Variants in INTS2 observed in about 807,000 individuals in gnomAD.
The protein encoded by INTS2 is KIAA1287.
A neutral mutation model predicts 139.6 loss-of-function variants in INTS2; 57 were observed. The ratio of observed to expected loss-of-function variants is 0.41; its 90% CI spans 0.33 to 0.51. The LOEUF (loss-of-function observed/expected upper bound fraction) is 0.51. INTS2 is among the 20% of genes least tolerant of loss of function. The pLI is 0.28. For synonymous variants in INTS2, 473 were observed against 493.4 expected, an observed-to-expected ratio of 0.96 and a Z score of 0.55; for missense variants, 1,196 against 1,436.7, an observed-to-expected ratio of 0.83 and a Z score of 2.71.
In INTS2 at chr17:61,897,822, G is replaced by A. The variant is rs1567904322; in HGVS notation, c.1308-83C>T. 2 of 1,003,758 alleles carry A rather than the reference G, an allele frequency of 2.0e-6. No individual in the cohort carries two copies. The highest frequency in any genetic ancestry group is 2.5e-5 in the Admixed American group (1 of 40,162). 62.2% of individuals were successfully genotyped at this position (1,003,758 alleles called of 1,614,324 possible). A position where few individuals can be genotyped will look rare whatever the true frequency, so the allele number is the denominator to read the frequency against. ...AAAAAGCATTCTGAAGTTATTTTTG[G>A]TAGAAATTATTTTTCCTGCCCTATT... On this transcript the variant is annotated intron_variant, in intron 9 of 24. Transcript: ENST00000251334. This position sits in a 1 kb window ranked among gnomAD's most constrained non-coding sequence, Gnocchi z 4.4.
intron 17 of INTS2, 76 bp from the exon 18 acceptor site, chr17:61,878,164 A>C (rs2079143132): frequency 1.2e-6 from 1 of 839,642 alleles, no homozygotes. Context: ...GTTCTCTCAG[A>C]CTATAGACCA....
intron 11 of INTS2, among the ~76,000 whole-genome samples, chr17:61,896,666 T>G (rs970384711): frequency 2.0e-5 from 3 of 152,112 alleles, no homozygotes; most frequent in Non-Finnish European, 2.9e-5. Flanking sequence ...ACACATAAAT[T>G]TTAAATACTA....
At position 61,870,037 on chromosome 17, in the gene INTS2, A is replaced by C. The variant is rs1325589281; in HGVS notation, c.2779-49T>G. On this transcript the variant is annotated intron_variant, in intron 20 of 24. Transcript: ENST00000251334. The surrounding 1 kb of genome is among the most constrained non-coding windows in gnomAD (Gnocchi z 4.4). ...AAAGTAAGAAGTTTCTAAGAAGTTA[A>C]AAAACAAATCAGATTTTATTTTCAC... is the stretch of plus-strand genomic sequence containing the variant. The C allele has an allele frequency of 6.6e-7, 1 of 1,511,700 alleles. No homozygotes were observed. Among genetic ancestry groups the C allele is most frequent in the Non-Finnish European group, 8.9e-7 (1 of 1,119,272 alleles). The allele number at this position is 1,511,700 out of a possible 1,614,324, so 93.6% of individuals were successfully genotyped here. A position where few individuals can be genotyped will look rare whatever the true frequency, so the allele number is the denominator to read the frequency against.
chr17:61,868,375 T>C lies in INTS2; in HGVS notation c.3245-366A>G, dbSNP rs188920719. On this transcript the variant is annotated intron_variant, in intron 23 of 24. Transcript: ENST00000251334. This position sits in a 1 kb window ranked among gnomAD's most constrained non-coding sequence, Gnocchi z 4.7. Reference sequence around the variant, plus strand: ...AGTTAGTGGTGGGGCTGAGATTGAATTCAGGCAGTGTAAACTCTTAATCAC... The same window carrying C: ...AGTTAGTGGTGGGGCTGAGATTGAACTCAGGCAGTGTAAACTCTTAATCAC... Among the ~76,000 whole-genome samples the C allele has an allele frequency of 3.1e-4, 47 of 152,218 alleles. No homozygotes were observed. The highest frequency in any genetic ancestry group is 1.1e-3 in the African/African-American group (46 of 41,550).
rs1021595415 is a variant in INTS2 at position 61,867,176 on chromosome 17, A to C, written c.*381T>G. ...TTGTCACATTCTGTTACAAGCTCAC[A>C]GTTAAAATAAACACTAGGGCTACCC... is the stretch of plus-strand genomic sequence containing the variant. On this transcript the variant is annotated 3_prime_UTR_variant, in exon 25 of 25. Transcript: ENST00000251334. This position sits in a 1 kb window ranked among gnomAD's most constrained non-coding sequence, Gnocchi z 5.6. 6.5e-6 allele frequency: 1 copy of C among 154,042 alleles called. No individual in the cohort carries two copies. Among genetic ancestry groups the C allele is most frequent in the Non-Finnish European group, 1.4e-5 (1 of 69,408 alleles). 9.5% of individuals were successfully genotyped at this position (154,042 alleles called of 1,614,324 possible).
At position 61,875,266 on chromosome 17, in the gene INTS2, T is replaced by G. The variant is rs2079118204; in HGVS notation, c.2457-228A>C. Among the ~76,000 whole-genome samples the G allele has an allele frequency of 6.6e-6, 1 of 152,226 alleles. No homozygotes were observed. The highest frequency in any genetic ancestry group is 1.5e-5 in the Non-Finnish European group (1 of 68,034). On this transcript the variant is annotated intron_variant, in intron 18 of 24. Coordinates refer to ENST00000251334, the MANE Select transcript of INTS2 (RefSeq NM_001351695.2). The surrounding 1 kb of genome is among the most constrained non-coding windows in gnomAD (Gnocchi z 4.6). ...AAGTAGTTTCAGAAACGTTCACAGTTGTAATGGAATAATCATGGCATATAA... is the reference window on the plus strand; with the variant it reads ...AAGTAGTTTCAGAAACGTTCACAGTGGTAATGGAATAATCATGGCATATAA...
chr17:61,905,416 T>C (rs1171931881), intron 8 of INTS2, among the ~76,000 whole-genome samples: 1 of 152,184 alleles, frequency 6.6e-6, no homozygotes, highest in Non-Finnish European at 1.5e-5. Context: ...AAACTCTACC[T>C]CCTAAGTTCA....
At chr17:61,912,842 C>A (rs941620718) in intron 5 of INTS2, among the ~76,000 whole-genome samples, 2 of 151,946 alleles carry the variant, frequency 1.3e-5, no homozygotes, top group Non-Finnish European at 2.9e-5. Context: ...CTTTGGGAGG[C>A]CGAGGTGAGT....
intron 5 of INTS2, among the ~76,000 whole-genome samples, chr17:61,912,520 C>G (rs75650002): frequency 0.17 from 25,561 of 151,622 alleles, 2,570 homozygotes; most frequent in East Asian, 0.54. Flanking sequence ...CTACTCAGGA[C>G]GCTGAGGCAG....
chr17:61,902,276 A>G (rs2143048812), intron 9 of INTS2, among the ~76,000 whole-genome samples: 1 of 152,228 alleles, frequency 6.6e-6, no homozygotes, highest in Admixed American at 6.5e-5. Context: ...CATGTCTCTC[A>G]GTTCTAGGAA....
intron 5 of INTS2, 70 bp from the exon 6 acceptor site, chr17:61,912,140 G>GA: frequency 6.6e-7 from 1 of 1,513,966 alleles, no homozygotes; most frequent in Non-Finnish European, 9.0e-7. Flanking sequence ...CATGACAGAA[G>GA]AAAAGGATCA....
chr17:61,882,866 G>A lies in INTS2; in HGVS notation c.2090-1695C>T, dbSNP rs370707765. 1.3e-5 allele frequency among the ~76,000 whole-genome samples: 2 copies of A among 152,108 alleles called. No individual in the cohort carries two copies. The highest frequency in any genetic ancestry group is 2.1e-4 in the South Asian group (1 of 4,830). ...ATTATCATCATAACAGTAAGACTAC[G>A]CAGTAGTAGTAGGAATCAAAGTACT... On this transcript the variant is annotated intron_variant, in intron 16 of 24. Coordinates refer to ENST00000251334, the MANE Select transcript of INTS2 (RefSeq NM_001351695.2). The surrounding 1 kb of genome is among the most constrained non-coding windows in gnomAD (Gnocchi z 4.7).
chr17:61,880,554 C>A (rs2079168538), intron 17 of INTS2, among the ~76,000 whole-genome samples: 1 of 151,948 alleles, frequency 6.6e-6, no homozygotes, highest in African/African-American at 2.4e-5. Context: ...AAGTTCGAGA[C>A]CAGCCTGGGC....
intron 7 of INTS2, 52 bp downstream of exon 7, chr17:61,911,467 AG>A (rs1334924712): frequency 1.4e-6 from 2 of 1,454,088 alleles, no homozygotes; most frequent in Non-Finnish European, 1.9e-6. Flanking sequence ...TTTCTCTTTT[AG>A]CAGCTGCTAA....
intron 8 of INTS2, among the ~76,000 whole-genome samples, 195 bp downstream of exon 8, chr17:61,907,213 C>T (rs1375245673): frequency 6.6e-6 from 1 of 152,046 alleles, no homozygotes; most frequent in Non-Finnish European, 1.5e-5. Context: ...TGTTTACAAT[C>T]AGAACAAAAT....
In INTS2 at chr17:61,900,926, A is replaced by G. The variant is rs2079398477; in HGVS notation, c.1308-3187T>C. On this transcript the variant is annotated intron_variant, in intron 9 of 24. Transcript: ENST00000251334. ...TGAGCCGAGATCACACCATTGCACC[A>G]TGGGCAACAAGAGCAAAACTCTGTC... Among the ~76,000 whole-genome samples, 3 of 152,062 alleles carry G rather than the reference A, an allele frequency of 2.0e-5. No homozygotes were observed. In the South Asian group the frequency reaches 6.2e-4, roughly 31 times the overall value.
intron 3 of INTS2, among the ~76,000 whole-genome samples, chr17:61,922,759 G>C (rs2079660340): frequency 1.3e-5 from 2 of 151,828 alleles, no homozygotes; most frequent in Admixed American, 6.6e-5. Flanking sequence ...AAAAGATGAA[G>C]GAAAACTCTT....
intron 4 of INTS2, chr17:61,921,402 C>T: frequency 6.1e-6 from 1 of 163,992 alleles, no homozygotes. Context: ...GAACTTTTAA[C>T]AAAACTGGGA....
intron 2 of INTS2, 122 bp downstream of exon 2, chr17:61,926,230 C>G: frequency 1.3e-6 from 1 of 747,832 alleles, no homozygotes; most frequent in East Asian, 2.6e-5. Flanking sequence ...CAGAAAAGAC[C>G]TAAGTAAAAT....
Sources: gnomAD v4.1 joint callset for allele counts (sites outside exome capture counted in the v4.1 genomes callset) on GRCh38, gnomAD v4.1.1 for gene constraint, Gnocchi (gnomAD v3.1) non-coding constraint, MANE v1.5 for transcripts, NCBI Gene and HGNC (gene_info 2026-07-23, HGNC 2026-07-21) for gene names.